RBFOX1: variants seen among roughly 807,000 people sequenced by gnomAD.
RBFOX1 encodes RNA binding protein fox-1 homolog 1.
In RBFOX1, 8 loss-of-function variants were observed where a neutral mutation model predicts 57.7. The observed-to-expected ratio is 0.14, with a 90% CI of 0.08 to 0.25. The LOEUF (loss-of-function observed/expected upper bound fraction) is 0.25. Ranked by LOEUF, RBFOX1 falls within the 10% of genes least tolerant of loss-of-function variation. The probability of loss-of-function intolerance (pLI) is 1.00; values close to 1 mark genes in which losing one functional copy is unlikely to be tolerated. For synonymous variants in RBFOX1, 326 were observed against 222.4 expected (o/e 1.47, Z -4.15); for missense variants, 611 against 548.5 (o/e 1.11, Z -1.14).
In RBFOX1 at chr16:6,707,372, A is replaced by G. The variant is rs538802060; in HGVS notation, c.-16+52722A>G. On this transcript the variant is annotated intron_variant, in intron 3 of 15. Coordinates refer to ENST00000550418, the MANE Select transcript of RBFOX1 (RefSeq NM_018723.4). ...ATTTCAAAGTCTTTGTTTACATGTT[A>G]AAAACATCATTTTAGGGAAATCATA... is the stretch of plus-strand genomic sequence containing the variant. 7.2e-5 allele frequency among the ~76,000 whole-genome samples: 11 copies of G among 152,324 alleles called. No homozygotes were observed. In the East Asian group the frequency reaches 2.1e-3, roughly 29 times the overall value.
intron 4 of RBFOX1, among the ~76,000 whole-genome samples, chr16:5,906,567 G>A (rs2058461625): frequency 6.6e-6 from 1 of 151,888 alleles, no homozygotes; most frequent in African/African-American, 2.4e-5. Context: ...CTTTATTATG[G>A]CAGCCCTCCA....
intron 4 of RBFOX1, among the ~76,000 whole-genome samples, chr16:7,110,474 C>T (rs548909434): frequency 4.6e-5 from 7 of 152,264 alleles, no homozygotes; most frequent in Admixed American, 3.3e-4. Context: ...CCAATTAACA[C>T]AGGGCTCCGG....
At chr16:6,856,835 T>G (rs1226154143) in intron 3 of RBFOX1, among the ~76,000 whole-genome samples, 1 of 152,106 alleles carries the variant, frequency 6.6e-6, no homozygotes, top group Admixed American at 6.5e-5. Context: ...AACCACTGAT[T>G]GACAGATCCC....
At chr16:5,407,575 G>A (rs1205889906) in intron 1 of RBFOX1, among the ~76,000 whole-genome samples, 1 of 151,782 alleles carries the variant, frequency 6.6e-6, no homozygotes, top group Non-Finnish European at 1.5e-5. Context: ...TTGTTTTTTT[G>A]TCTCACTCTG....
chr16:5,269,990 A>C (rs1167952019), intron 1 of RBFOX1, among the ~76,000 whole-genome samples: 1 of 152,142 alleles, frequency 6.6e-6, no homozygotes, highest in African/African-American at 2.4e-5. Flanking sequence ...CCCTGTCTCT[A>C]CAAAAAAGAA....
chr16:6,927,767 C>T (rs2075863982), intron 3 of RBFOX1, among the ~76,000 whole-genome samples: 1 of 152,092 alleles, frequency 6.6e-6, no homozygotes, highest in Admixed American at 6.6e-5. Context: ...AATCTCCAAT[C>T]ATTGTTTTTG....
At chr16:7,195,687 G>C (rs1422774999) in intron 4 of RBFOX1, among the ~76,000 whole-genome samples, 1 of 152,110 alleles carries the variant, frequency 6.6e-6, no homozygotes, top group African/African-American at 2.4e-5. Context: ...CGAGTAGCTG[G>C]AACTACAGGC....
intron 1 of RBFOX1, among the ~76,000 whole-genome samples, chr16:5,283,339 G>T (rs2063317437): frequency 6.6e-6 from 1 of 152,200 alleles, no homozygotes; most frequent in South Asian, 2.1e-4. Context: ...GCACCACCTA[G>T]TGGAGCTGTG....
intron 2 of RBFOX1, among the ~76,000 whole-genome samples, chr16:5,503,011 C>T (rs1448301692): frequency 6.6e-6 from 1 of 152,196 alleles, no homozygotes; most frequent in Admixed American, 6.5e-5. Flanking sequence ...TAAAATATTT[C>T]CTCTTTCTTC....
chr16:7,700,640 A>C (rs2080367984), intron 14 of RBFOX1, among the ~76,000 whole-genome samples: 1 of 152,188 alleles, frequency 6.6e-6, no homozygotes. Context: ...TTTCTAAGAG[A>C]AGGATGGCCT....
chr16:6,133,352 C>T (rs1298924552), intron 1 of RBFOX1, among the ~76,000 whole-genome samples: 2 of 152,172 alleles, frequency 1.3e-5, no homozygotes, highest in East Asian at 1.9e-4. Context: ...AGCCTGCGTT[C>T]TTCATTTTTA....
At chr16:5,289,293 G>A in intron 1 of RBFOX1, 1 of 419,838 alleles carries the variant, frequency 2.4e-6, no homozygotes, top group South Asian at 2.8e-5. Context: ...TGGGCATGTG[G>A]CCTCCCATGG....
At chr16:7,708,736 T>C (rs1029617251) in intron 14 of RBFOX1, among the ~76,000 whole-genome samples, 10 of 152,172 alleles carry the variant, frequency 6.6e-5, no homozygotes, top group African/African-American at 2.4e-4. Flanking sequence ...TGTTTCTTTC[T>C]TACCTACCTC....
chr16:5,475,303 A>G (rs941114728), intron 2 of RBFOX1, among the ~76,000 whole-genome samples: 4 of 152,236 alleles, frequency 2.6e-5, no homozygotes, highest in Admixed American at 2.0e-4. Context: ...ATTTGAAGGT[A>G]GGCATCCTGC....
At chr16:7,181,766 A>T (rs2082758514) in intron 4 of RBFOX1, among the ~76,000 whole-genome samples, 1 of 151,820 alleles carries the variant, frequency 6.6e-6, no homozygotes, top group Non-Finnish European at 1.5e-5. Context: ...TTGCCATGTT[A>T]CCCAGGCTGG....
At chr16:6,888,099 A>G (rs568665474) in intron 3 of RBFOX1, among the ~76,000 whole-genome samples, 2 of 152,310 alleles carry the variant, frequency 1.3e-5, no homozygotes, top group African/African-American at 4.8e-5. Context: ...AATAAGCCTC[A>G]TAAGCTTTAC....
chr16:7,160,344 G>T (rs72765542), intron 4 of RBFOX1, among the ~76,000 whole-genome samples: 34,025 of 151,822 alleles, frequency 0.22, 4,679 homozygotes, highest in East Asian at 0.39. Flanking sequence ...AAATGGCAAT[G>T]AAAAAGTAAA....
intron 3 of RBFOX1, among the ~76,000 whole-genome samples, chr16:6,988,532 T>G (rs2090779397): frequency 6.6e-6 from 1 of 151,834 alleles, no homozygotes; most frequent in Admixed American, 6.6e-5. Flanking sequence ...GTTTTATTTT[T>G]TCTTTTCCCT....
intron 1 of RBFOX1, among the ~76,000 whole-genome samples, chr16:6,219,357 G>A (rs1456062374): frequency 6.6e-6 from 1 of 152,176 alleles, no homozygotes; most frequent in Non-Finnish European, 1.5e-5. Context: ...CCAGGGCCCA[G>A]CTACTCTGGA....
Sources: allele counts gnomAD v4.1 joint callset (sites outside exome capture counted in the v4.1 genomes callset), GRCh38; gene constraint gnomAD v4.1.1; transcripts MANE v1.5; gene names NCBI Gene and HGNC (gene_info 2026-07-23, HGNC 2026-07-21).